MAST4: variants seen among roughly 807,000 people sequenced by gnomAD.
The protein encoded by MAST4 is microtubule associated serine/threonine kinase family member 4, also known as microtubule-associated serine/threonine-protein kinase 4.
In MAST4, 89 loss-of-function variants were observed where a neutral mutation model predicts 162.7. That is an observed-to-expected ratio of 0.55 (90% CI 0.46 to 0.65). The LOEUF is 0.65. Among genes scored for constraint, MAST4 ranks in the 30% least tolerant of loss-of-function variants. The pLI, the probability that MAST4 is intolerant of heterozygous loss-of-function variation, is 0.00. For synonymous variants in MAST4, 1,479 were observed against 1,361.1 expected (o/e 1.09, Z -1.91); for missense variants, 3,153 against 3,374.0 (o/e 0.93, Z 1.62).
intron 3 of MAST4, among the ~76,000 whole-genome samples, chr5:66,798,435 C>G (rs1755759876): frequency 6.6e-6 from 1 of 152,178 alleles, no homozygotes; most frequent in Admixed American, 6.5e-5. Flanking sequence ...GCTGTCATTC[C>G]AAGCCCTAGT....
At chr5:66,617,420 G>C (rs898945628) in intron 1 of MAST4, among the ~76,000 whole-genome samples, 8 of 151,988 alleles carry the variant, frequency 5.3e-5, no homozygotes, top group African/African-American at 1.9e-4. Context: ...TGATTCACAT[G>C]ATTTCAAAAC....
At chr5:66,778,804 TGA>T (rs1348405950) in intron 2 of MAST4, among the ~76,000 whole-genome samples, 1 of 152,202 alleles carries the variant, frequency 6.6e-6, no homozygotes, top group Non-Finnish European at 1.5e-5. Context: ...AGTGGCAGCT[TGA>T]GTTTCTGCTC....
chr5:66,617,278 G>A (rs4235470), intron 1 of MAST4, among the ~76,000 whole-genome samples: 90,108 of 152,046 alleles, frequency 0.59, 26,875 homozygotes, highest in East Asian at 0.7. Flanking sequence ...AAGAAGGCCA[G>A]TGCTGAGCAC....
At chr5:67,161,518 TATC>T (rs1452296512) in intron 27 of MAST4, among the ~76,000 whole-genome samples, 1 of 152,212 alleles carries the variant, frequency 6.6e-6, no homozygotes, top group African/African-American at 2.4e-5. Flanking sequence ...AGAGCTTAAT[TATC>T]ATCTTTCATA....
intron 1 of MAST4, among the ~76,000 whole-genome samples, chr5:66,677,985 T>C (rs1748066889): frequency 1.3e-5 from 2 of 152,246 alleles, no homozygotes; most frequent in East Asian, 1.9e-4. Context: ...TATCTGATTG[T>C]GAAGTCAGGA....
intron 4 of MAST4, among the ~76,000 whole-genome samples, chr5:66,901,237 A>G (rs1380224813): frequency 6.6e-6 from 1 of 152,048 alleles, no homozygotes; most frequent in African/African-American, 2.4e-5. Flanking sequence ...TTTATTTTTT[A>G]TTTGAAAACT....
intron 1 of MAST4, among the ~76,000 whole-genome samples, chr5:66,679,910 T>A (rs1329836837): frequency 6.6e-6 from 1 of 152,224 alleles, no homozygotes; most frequent in Non-Finnish European, 1.5e-5. Context: ...CTGAGCTCAG[T>A]GTACACTTTT....
intron 4 of MAST4, among the ~76,000 whole-genome samples, chr5:67,034,263 T>A (rs1166222823): frequency 1.3e-5 from 2 of 152,164 alleles, no homozygotes; most frequent in Non-Finnish European, 2.9e-5. Flanking sequence ...ACTCCTGACA[T>A]AATTGAAATG....
At position 66,724,043 on chromosome 5, in the gene MAST4, A is replaced by G. The variant is rs1183664675; in HGVS notation, c.364-35666A>G. 3.3e-5 allele frequency among the ~76,000 whole-genome samples: 5 copies of G among 152,116 alleles called. No homozygotes were observed. The South Asian group carries it at 1.0e-3, about 31-fold the overall frequency. ...ACAAGGGGGATATTTTAAAAGTTTG[A>G]CTCAAGAATATAAAATATAAAATTG... On this transcript the variant is annotated intron_variant, in intron 1 of 28. Coordinates refer to ENST00000403625, the MANE Select transcript of MAST4 (RefSeq NM_001164664.2).
chr5:67,029,624 G>A (rs1755077146), intron 4 of MAST4, among the ~76,000 whole-genome samples: 1 of 152,118 alleles, frequency 6.6e-6, no homozygotes, highest in African/African-American at 2.4e-5. Context: ...CAAGGTGATG[G>A]TGTGTTTTGA....
At chr5:66,740,413 C>T (rs1752419539) in intron 1 of MAST4, among the ~76,000 whole-genome samples, 1 of 152,164 alleles carries the variant, frequency 6.6e-6, no homozygotes, top group Non-Finnish European at 1.5e-5. Context: ...TTGTGGAATG[C>T]ACAGGTCCAC....
chr5:66,599,947 A>G (rs1742448665), intron 1 of MAST4, among the ~76,000 whole-genome samples: 1 of 141,036 alleles, frequency 7.1e-6, no homozygotes, highest in Non-Finnish European at 1.5e-5. Context: ...GTGTGTTTAC[A>G]GTAACATTGT....
At chr5:66,735,568 T>C (rs1227558791) in intron 1 of MAST4, among the ~76,000 whole-genome samples, 1 of 152,230 alleles carries the variant, frequency 6.6e-6, no homozygotes, top group Non-Finnish European at 1.5e-5. Flanking sequence ...TTTTTTCTCC[T>C]GGTAGAGCAA....
chr5:67,110,072 T>C, intron 10 of MAST4, 26 bp from the exon 11 acceptor site: 1 of 1,528,220 alleles, frequency 6.5e-7, no homozygotes, highest in Non-Finnish European at 9.1e-7. Flanking sequence ...CTCTGCATCA[T>C]CACTCTCTTT....
intron 2 of MAST4, among the ~76,000 whole-genome samples, chr5:66,785,702 C>T (rs918497221): frequency 8.5e-5 from 13 of 152,196 alleles, no homozygotes; most frequent in African/African-American, 3.1e-4. Flanking sequence ...CAGTATTGTT[C>T]TAATAGTATG....
chr5:66,747,097 GGTGTGT>G (rs138318051), intron 1 of MAST4, among the ~76,000 whole-genome samples: 2,731 of 146,068 alleles, frequency 0.019, 52 homozygotes, highest in African/African-American at 0.047. Flanking sequence ...GCATGCGCAT[GGTGTGT>G]GTGTGTGTGT....
chr5:67,116,583 C>T (rs898832652), intron 12 of MAST4, among the ~76,000 whole-genome samples: 7 of 151,272 alleles, frequency 4.6e-5, no homozygotes, highest in South Asian at 2.1e-4. Context: ...AATTGCACCG[C>T]GCTGAGTGGA....
At chr5:66,714,487 A>G (rs1750693784) in intron 1 of MAST4, among the ~76,000 whole-genome samples, 1 of 152,182 alleles carries the variant, frequency 6.6e-6, no homozygotes. Context: ...CACTGTCTGG[A>G]CAGGCCTGGA....
chr5:66,624,786 G>A (rs1018534373), intron 1 of MAST4, among the ~76,000 whole-genome samples: 6 of 152,152 alleles, frequency 3.9e-5, no homozygotes, highest in Admixed American at 6.5e-5. Flanking sequence ...AGTGTGTAAC[G>A]GGGAAAGGAT....
Sources: gnomAD v4.1 joint callset for allele counts (sites outside exome capture counted in the v4.1 genomes callset) on GRCh38, gnomAD v4.1.1 for gene constraint, MANE v1.5 for transcripts, NCBI Gene and HGNC (gene_info 2026-07-23, HGNC 2026-07-21) for gene names.